Variants in ATP5F1A observed in about 807,000 individuals in gnomAD.
ATP5F1A encodes the protein ATP synthase F(1) complex subunit alpha, mitochondrial.
A neutral mutation model predicts 57.4 loss-of-function variants in ATP5F1A; 24 were observed. That is an observed-to-expected ratio of 0.42 (90% CI 0.30 to 0.59). The LOEUF is 0.59. ATP5F1A is among the 20% of genes least tolerant of loss of function. The pLI, the probability that ATP5F1A is intolerant of heterozygous loss-of-function variation, is 0.19. For missense variants in ATP5F1A, 494 were observed against 707.9 expected, an observed-to-expected ratio of 0.70 and a Z score of 3.43; for synonymous variants, 251 against 255.5, an observed-to-expected ratio of 0.98 and a Z score of 0.17.
chr18:46,100,251 T>TAAAAAAAAAAAAAAAAAAAA (rs34683117), upstream of ATP5F1A, among the ~76,000 whole-genome samples: 2 of 68,668 alleles, frequency 2.9e-5, no homozygotes, highest in Non-Finnish European at 5.7e-5. Flanking sequence ...AAACTCCATC[T>TAAAAAAAAAAAAAAAAAAAA]AAAAAAAAAA....
At chr18:46,101,799 C>T (rs566147569), upstream of ATP5F1A, among the ~76,000 whole-genome samples, 22 of 148,306 alleles carry the variant, frequency 1.5e-4, no homozygotes, top group East Asian at 2.4e-3. Flanking sequence ...GGCTGAGGCA[C>T]GAGAATCACT....
chr18:46,091,123 C>T (rs1044130031), intron 3 of ATP5F1A, among the ~76,000 whole-genome samples: 4 of 152,314 alleles, frequency 2.6e-5, no homozygotes, highest in Admixed American at 6.5e-5. Context: ...TGCATGCCTA[C>T]TAGACAGTTC....
At chr18:46,088,819 C>G (rs973998931) in intron 5 of ATP5F1A, 1 of 151,838 alleles carries the variant, frequency 6.6e-6, no homozygotes, top group East Asian at 1.9e-4. Flanking sequence ...CTGCTTGTCC[C>G]GGGGAATGGA....
Position 46,084,087 on chromosome 18 carries a change from C to T in ATP5F1A, c.*195G>A, listed in dbSNP as rs1909911036. 1 of 491,030 alleles carries T rather than the reference C, an allele frequency of 2.0e-6. No homozygotes were observed. The highest frequency in any genetic ancestry group is 3.5e-6 in the Non-Finnish European group (1 of 283,434). 30.4% of individuals were successfully genotyped at this position (491,030 alleles called of 1,614,324 possible). On this transcript the variant is annotated 3_prime_UTR_variant, in exon 12 of 12. Coordinates refer to ENST00000398752, the MANE Select transcript of ATP5F1A (RefSeq NM_004046.6). ...AGTAAAATAGATCAAGAAGCATTTG[C>T]TTACCAATTTCTCAATTTGATCTTG...
At chr18:46,098,009 G>A in intron 1 of ATP5F1A, 163 bp downstream of exon 1, 1 of 1,413,802 alleles carries the variant, frequency 7.1e-7, no homozygotes, top group Non-Finnish European at 9.2e-7. Context: ...ACGAGCAAAA[G>A]GGCACCTGTG....
At chr18:46,086,752 C>G (rs1299206724) in intron 8 of ATP5F1A, 2 of 597,560 alleles carry the variant, frequency 3.3e-6, no homozygotes, top group African/African-American at 3.7e-5. Context: ...CTATTTGATT[C>G]AAAATTATCT....
At chr18:46,100,251 TAAAAAAAAAAAA>T (rs34683117), upstream of ATP5F1A, among the ~76,000 whole-genome samples, 5 of 68,670 alleles carry the variant, frequency 7.3e-5, no homozygotes, top group Admixed American at 7.3e-4. Context: ...AAACTCCATC[TAAAAAAAAAAAA>T]AAAAAAAAAG....
Position 46,080,351 on chromosome 18 carries a change from G to C in ATP5F1A, c.*3931C>G, listed in dbSNP as rs968068347. 6.6e-6 allele frequency: 1 copy of C among 152,192 alleles called. No individual in the cohort carries two copies. Among genetic ancestry groups the C allele is most frequent in the South Asian group, 2.1e-4 (1 of 4,828 alleles). The allele number at this position is 152,192 out of a possible 1,614,324, so 9.4% of individuals were successfully genotyped here. A position where few individuals can be genotyped will look rare whatever the true frequency, so the allele number is the denominator to read the frequency against. On this transcript the variant is annotated 3_prime_UTR_variant, in exon 12 of 12. Coordinates refer to ENST00000398752, the MANE Select transcript of ATP5F1A (RefSeq NM_004046.6). ...AAATGTTCACCACCCCCAGTGATAA[G>C]ATAAATGCACACAGACACAATTTTA...
chr18:46,085,862 G>C (rs1331721253), intron 10 of ATP5F1A: 21 of 441,592 alleles, frequency 4.8e-5, no homozygotes, highest in Non-Finnish European at 6.4e-5. Flanking sequence ...GAATCCAGGA[G>C]GTGGAGGTTG....
At chr18:46,097,603 C>T (rs1197267012) in intron 1 of ATP5F1A, among the ~76,000 whole-genome samples, 3 of 152,142 alleles carry the variant, frequency 2.0e-5, no homozygotes, top group Non-Finnish European at 4.4e-5. Flanking sequence ...ACCTGCAGGA[C>T]GTTTTCACGG....
chr18:46,096,177 C>A (rs1323646067), intron 1 of ATP5F1A, among the ~76,000 whole-genome samples: 1 of 152,196 alleles, frequency 6.6e-6, no homozygotes, highest in Non-Finnish European at 1.5e-5. Flanking sequence ...ACGTCAGCCA[C>A]TGCACCCGGC....
Position 46,081,660 on chromosome 18 carries a change from C to CAAAA in ATP5F1A, c.*2618_*2621dup, listed in dbSNP as rs34716753. On this transcript the variant is annotated 3_prime_UTR_variant, in exon 12 of 12. Coordinates refer to ENST00000398752, the MANE Select transcript of ATP5F1A (RefSeq NM_004046.6). ...GCCTGGGCAACAAGAGCAAAACTCT[C>CAAAA]AAAAAAAAAAAACAAAAAAAAAAAA... 9.5e-5 allele frequency: 7 copies of CAAAA among 73,972 alleles called. No individual in the cohort carries two copies. The highest frequency in any genetic ancestry group is 9.3e-4 in the East Asian group (2 of 2,144). The allele number at this position is 73,972 out of a possible 1,614,324, so 4.6% of individuals were successfully genotyped here. A position where few individuals can be genotyped will look rare whatever the true frequency, so the allele number is the denominator to read the frequency against.
rs1419913821 is a variant in ATP5F1A at position 46,081,848 on chromosome 18, A to G, written c.*2434T>C. 2.0e-5 allele frequency: 3 copies of G among 152,024 alleles called. No homozygotes were observed. The highest frequency in any genetic ancestry group is 1.3e-4 in the Admixed American group (2 of 15,254). 9.4% of individuals were successfully genotyped at this position (152,024 alleles called of 1,614,324 possible). A position where few individuals can be genotyped will look rare whatever the true frequency, so the allele number is the denominator to read the frequency against. On this transcript the variant is annotated 3_prime_UTR_variant, in exon 12 of 12. Coordinates refer to ENST00000398752, the MANE Select transcript of ATP5F1A (RefSeq NM_004046.6). ...AGTTTAGTGTTCCTCTAAGTACTGA[A>G]AAGGACTTATGAGTACTTTAAGAAC...
At position 46,083,583 on chromosome 18, in the gene ATP5F1A, G is replaced by C. The variant is rs1909882851; in HGVS notation, c.*699C>G. The C allele has an allele frequency of 6.6e-6, 1 of 152,076 alleles. No individual in the cohort carries two copies. Among genetic ancestry groups the C allele is most frequent in the Non-Finnish European group, 1.5e-5 (1 of 68,032 alleles). 9.4% of individuals were successfully genotyped at this position (152,076 alleles called of 1,614,324 possible). A position where few individuals can be genotyped will look rare whatever the true frequency, so the allele number is the denominator to read the frequency against. On this transcript the variant is annotated 3_prime_UTR_variant, in exon 12 of 12. Transcript: ENST00000398752. ...CTGCCTACAGTACCTCTTTATGCAG[G>C]TACATCCTCTGGGCAGAGAAGCCAG...
Position 46,080,352 on chromosome 18 carries a change from A to G in ATP5F1A, c.*3930T>C, listed in dbSNP as rs1909676517. 3 of 152,224 alleles carry G rather than the reference A, an allele frequency of 2.0e-5. No individual in the cohort carries two copies. The highest frequency in any genetic ancestry group is 6.5e-5 in the Admixed American group (1 of 15,274). The allele number at this position is 152,224 out of a possible 1,614,324, so 9.4% of individuals were successfully genotyped here. On this transcript the variant is annotated 3_prime_UTR_variant, in exon 12 of 12. Transcript: ENST00000398752. ...AATGTTCACCACCCCCAGTGATAAG[A>G]TAAATGCACACAGACACAATTTTAT...
At chr18:46,088,821 G>A (rs950895084) in intron 5 of ATP5F1A, 3 of 152,014 alleles carry the variant, frequency 2.0e-5, no homozygotes, top group Admixed American at 1.3e-4. Flanking sequence ...GCTTGTCCCG[G>A]GGAATGGAAT....
chr18:46,097,877 A>G, intron 1 of ATP5F1A: 2 of 1,210,542 alleles, frequency 1.7e-6, no homozygotes, highest in Non-Finnish European at 2.1e-6. Flanking sequence ...CCAAGCCCTG[A>G]CCTTCACCCA....
chr18:46,103,369 G>C (rs890699480), intron 1 of ATP5F1A, among the ~76,000 whole-genome samples: 1 of 151,932 alleles, frequency 6.6e-6, no homozygotes, highest in Non-Finnish European at 1.5e-5. Context: ...GGGAGGCCAA[G>C]GCGGGCGGAT....
intron 2 of ATP5F1A, chr18:46,094,835 C>G (rs1309518889): frequency 6.6e-6 from 4 of 602,364 alleles, no homozygotes; most frequent in Non-Finnish European, 4.8e-6. Flanking sequence ...AGAAGCCATA[C>G]TAATATCAAA....
Sources: gnomAD v4.1 joint callset for allele counts (sites outside exome capture counted in the v4.1 genomes callset) on GRCh38, gnomAD v4.1.1 for gene constraint, MANE v1.5 for transcripts, NCBI Gene and HGNC (gene_info 2026-07-23, HGNC 2026-07-21) for gene names.